Variants in IDO2 observed in about 807,000 individuals in gnomAD.
The protein encoded by IDO2 is indoleamine 2,3-dioxygenase 2.
A neutral mutation model predicts 45.1 loss-of-function variants in IDO2; 46 were observed. The observed-to-expected ratio is 1.02, with a 90% CI of 0.80 to 1.30. The LOEUF is 1.30. Ranked by LOEUF, IDO2 falls within the 50% of genes most tolerant of loss-of-function variation. The pLI is 0.00. For synonymous variants in IDO2, 218 were observed against 184.9 expected (o/e 1.18, Z -1.45); for missense variants, 544 against 491.8 (o/e 1.11, Z -1.00).
At chr8:40,003,251 T>C (rs2129595255) in intron 8 of IDO2, among the ~76,000 whole-genome samples, 2 of 151,700 alleles carry the variant, frequency 1.3e-5, no homozygotes, top group Admixed American at 1.3e-4. Flanking sequence ...ATGCCTGTAG[T>C]CCCAGCTACT....
At chr8:39,943,155 G>T (rs1451578831) in intron 1 of IDO2, among the ~76,000 whole-genome samples, 2 of 151,050 alleles carry the variant, frequency 1.3e-5, no homozygotes, top group African/African-American at 4.9e-5. Flanking sequence ...ATCACTTGAG[G>T]TCAGGAGTTT....
At chr8:39,938,366 T>A (rs548766965) in intron 1 of IDO2, among the ~76,000 whole-genome samples, 5 of 152,172 alleles carry the variant, frequency 3.3e-5, no homozygotes, top group African/African-American at 1.2e-4. Context: ...TCAGGAAATA[T>A]ATCTGTAAAT....
At position 40,003,368 on chromosome 8, in the gene IDO2, C is replaced by CA. The variant is rs1172335332; in HGVS notation, c.668-1936dup. On this transcript the variant is annotated intron_variant, in intron 8 of 10. Transcript: ENST00000502986. ...CTGGGTGAAGAGCGAGACTCCATCTCAAAAAAAAAAAAAAAAAAAAAAAGA... is the reference window on the plus strand; with the variant it reads ...CTGGGTGAAGAGCGAGACTCCATCTCAAAAAAAAAAAAAAAAAAAAAAAAGA... 4.8e-3 allele frequency among the ~76,000 whole-genome samples: 569 copies of CA among 118,200 alleles called. 4 individuals are homozygous for CA. The highest frequency in any genetic ancestry group is 0.013 in the African/African-American group (403 of 30,612). The allele number at this position is 118,200 out of a possible 152,430, so 77.5% of individuals were successfully genotyped here.
intron 7 of IDO2, 105 bp downstream of exon 7, chr8:39,988,075 A>T (rs537910459): frequency 9.8e-4 from 646 of 661,126 alleles, no homozygotes; most frequent in Middle Eastern, 2.7e-3. Context: ...ATGAACATAG[A>T]CCTTGTCCTG....
exon 3 of IDO2, chr8:39,963,651 A>T: frequency 6.2e-7 from 1 of 1,612,780 alleles, no homozygotes; most frequent in Non-Finnish European, 8.5e-7. Context: ...GAAATTGCCA[A>T]CAAACTTCCT....
intron 3 of IDO2, among the ~76,000 whole-genome samples, chr8:39,978,157 C>A (rs1808290117): frequency 1.3e-5 from 2 of 152,188 alleles, no homozygotes; most frequent in South Asian, 4.1e-4. Context: ...CTGAGGATAC[C>A]CCAACCTCAA....
At chr8:39,965,876 C>T (rs1808077149) in intron 3 of IDO2, among the ~76,000 whole-genome samples, 1 of 132,284 alleles carries the variant, frequency 7.6e-6, no homozygotes, top group African/African-American at 2.7e-5. Flanking sequence ...AAGAAACCAA[C>T]CCTATTGATA....
exon 8 of IDO2, chr8:39,989,805 C>A (rs1212993640): frequency 6.2e-7 from 1 of 1,601,924 alleles, no homozygotes; most frequent in East Asian, 2.3e-5. Context: ...ACTGTCTATT[C>A]AGGACATCAC....
At chr8:39,942,602 G>A (rs931561078) in intron 1 of IDO2, among the ~76,000 whole-genome samples, 2 of 150,564 alleles carry the variant, frequency 1.3e-5, no homozygotes, top group Non-Finnish European at 3.0e-5. Context: ...ATCAAGCCAC[G>A]GCACTCCAGC....
chr8:39,959,691 C>T (rs1267198794), intron 2 of IDO2, among the ~76,000 whole-genome samples: 1 of 152,072 alleles, frequency 6.6e-6, no homozygotes, highest in Non-Finnish European at 1.5e-5. Context: ...GGCATGGTGA[C>T]ATGCCCCTGT....
chr8:39,967,133 T>C (rs1051744617), intron 3 of IDO2, among the ~76,000 whole-genome samples: 1 of 151,930 alleles, frequency 6.6e-6, no homozygotes, highest in Non-Finnish European at 1.5e-5. Flanking sequence ...TCATAAAGCA[T>C]AAAGAAAAAT....
Position 39,938,786 on chromosome 8 carries a change from C to T in IDO2, c.-18+3568C>T, listed in dbSNP as rs190581251. 9.2e-5 allele frequency among the ~76,000 whole-genome samples: 14 copies of T among 152,274 alleles called. No homozygotes were observed. The East Asian group carries it at 2.5e-3, about 27-fold the overall frequency. On this transcript the variant is annotated intron_variant, in intron 1 of 10. Transcript: ENST00000502986. ...TTAAATAATGGGCAAAAGATCTCAA[C>T]AGAAACCCCATCAAAGAAGAAACAC...
intron 3 of IDO2, among the ~76,000 whole-genome samples, chr8:39,973,744 T>TC (rs1808216155): frequency 5.0e-5 from 2 of 40,294 alleles, no homozygotes; most frequent in Admixed American, 3.1e-4. Flanking sequence ...TTCGTTTTCT[T>TC]CTTTTTTTTT....
At chr8:39,981,517 G>GT (rs1808351850) in intron 4 of IDO2, among the ~76,000 whole-genome samples, 3 of 152,166 alleles carry the variant, frequency 2.0e-5, no homozygotes, top group African/African-American at 7.2e-5. Context: ...TCCCAGCTGT[G>GT]CCCTGGTAGT....
intron 5 of IDO2, chr8:39,985,071 G>T (rs1808404729): frequency 3.2e-6 from 1 of 308,172 alleles, no homozygotes; most frequent in Non-Finnish European, 6.2e-6. Context: ...AGCTGGGATT[G>T]CAGGCACCTA....
chr8:39,984,832 T>G (rs1029626941), intron 5 of IDO2: 1 of 379,978 alleles, frequency 2.6e-6, no homozygotes, highest in African/African-American at 2.2e-5. Flanking sequence ...GAACTTGATG[T>G]AAGGCAAATC....
chr8:40,008,016 G>GT (rs35025709), intron 9 of IDO2, among the ~76,000 whole-genome samples: 4,243 of 118,836 alleles, frequency 0.036, 192 homozygotes, highest in African/African-American at 0.12. Context: ...CTTATCATGT[G>GT]TTTTTTTTTT....
At chr8:39,964,085 C>T (rs908301879) in intron 3 of IDO2, among the ~76,000 whole-genome samples, 13 of 152,146 alleles carry the variant, frequency 8.5e-5, no homozygotes, top group Admixed American at 3.3e-4. Context: ...CTGAGGGGGT[C>T]TAACTTGATT....
At chr8:39,953,300 T>C (rs1210780146) in intron 2 of IDO2, among the ~76,000 whole-genome samples, 1 of 152,208 alleles carries the variant, frequency 6.6e-6, no homozygotes. Context: ...TTTAGAGTTG[T>C]TGTTTCCGGC....
Sources: allele counts gnomAD v4.1 joint callset (sites outside exome capture counted in the v4.1 genomes callset), GRCh38; gene constraint gnomAD v4.1.1; transcripts MANE v1.5; gene names NCBI Gene and HGNC (gene_info 2026-07-23, HGNC 2026-07-21).